Variants in CCDC102B observed in about 807,000 individuals in gnomAD.
CCDC102B encodes the protein coiled-coil domain-containing protein 102B.
A neutral mutation model predicts 57.4 loss-of-function variants in CCDC102B; 75 were observed. The ratio of observed to expected loss-of-function variants is 1.31; its 90% CI spans 1.08 to 1.58. The LOEUF is 1.58. Ranked by LOEUF, CCDC102B falls within the 40% of genes most tolerant of loss-of-function variation. The probability of loss-of-function intolerance (pLI) is 0.00; values close to 1 mark genes in which losing one functional copy is unlikely to be tolerated. For missense variants in CCDC102B, 636 were observed against 582.6 expected (o/e 1.09, Z -0.94); for synonymous variants, 206 against 201.9 (o/e 1.02, Z -0.17).
At chr18:69,019,717 T>G (rs2051773227) in intron 7 of CCDC102B, among the ~76,000 whole-genome samples, 1 of 152,136 alleles carries the variant, frequency 6.6e-6, no homozygotes, top group African/African-American at 2.4e-5. Context: ...CTTTCATTTC[T>G]TTCTTTTGCC....
intron 2 of CCDC102B, among the ~76,000 whole-genome samples, chr18:68,765,301 G>GA (rs1331071724): frequency 5.7e-4 from 47 of 82,102 alleles, no homozygotes; most frequent in African/African-American, 1.2e-3. Context: ...AGAAAGGAAG[G>GA]AAGGAAGGAA....
chr18:68,901,331 C>G (rs2040444730), intron 6 of CCDC102B, among the ~76,000 whole-genome samples: 5 of 152,060 alleles, frequency 3.3e-5, no homozygotes, highest in Non-Finnish European at 1.5e-5. Context: ...GTGGCATATC[C>G]TTTTGAAAAA....
intron 4 of CCDC102B, among the ~76,000 whole-genome samples, chr18:68,853,702 A>AAAAAAAAAAC (rs2038248352): frequency 1.4e-5 from 2 of 145,046 alleles, no homozygotes; most frequent in African/African-American, 5.3e-5. Context: ...AAAAAAAAAA[A>AAAAAAAAAAC]TCTGACTCAA....
intron 1 of CCDC102B, among the ~76,000 whole-genome samples, chr18:68,809,166 C>A (rs906809198): frequency 6.6e-6 from 1 of 152,146 alleles, no homozygotes; most frequent in African/African-American, 2.4e-5. Flanking sequence ...CATTCATAAA[C>A]GTAATTGAGC....
At chr18:69,033,643 C>T (rs879447622) in intron 7 of CCDC102B, among the ~76,000 whole-genome samples, 1 of 151,964 alleles carries the variant, frequency 6.6e-6, no homozygotes, top group Non-Finnish European at 1.5e-5. Context: ...ATGGTTCATT[C>T]ATCAGTTAAT....
chr18:68,862,969 G>C (rs947332204), intron 4 of CCDC102B, among the ~76,000 whole-genome samples: 2 of 151,854 alleles, frequency 1.3e-5, no homozygotes, highest in African/African-American at 4.8e-5. Flanking sequence ...ATTACAGCAT[G>C]TATCTCAAAA....
At chr18:68,732,492 C>T (rs1022677052) in intron 2 of CCDC102B, among the ~76,000 whole-genome samples, 1 of 151,776 alleles carries the variant, frequency 6.6e-6, no homozygotes, top group African/African-American at 2.4e-5. Flanking sequence ...TTACAGGCAC[C>T]CACCATCATG....
chr18:69,009,924 A>ATTTTTTTTT (rs770668683), intron 6 of CCDC102B, among the ~76,000 whole-genome samples: 431 of 33,520 alleles, frequency 0.013, 124 homozygotes, highest in Middle Eastern at 0.05. Context: ...TTTAATAAAG[A>ATTTTTTTTT]TTTTTTTTTT....
chr18:69,014,307 G>A (rs1274323265), intron 7 of CCDC102B, among the ~76,000 whole-genome samples: 2 of 152,116 alleles, frequency 1.3e-5, no homozygotes, highest in African/African-American at 2.4e-5. Context: ...CTCCCTGTGA[G>A]AGAATATTCT....
chr18:68,897,309 A>G lies in CCDC102B; in HGVS notation c.1144A>G (p.Arg382Gly), dbSNP rs879273034. The G allele has an allele frequency of 1.9e-6, 3 of 1,613,224 alleles. No individual in the cohort carries two copies. Among genetic ancestry groups the G allele is most frequent in the Non-Finnish European group, 2.5e-6 (3 of 1,179,326 alleles). The stretch of plus-strand genomic sequence containing the variant: ...GCAGGGACTGGAGAGAGAAAATAGA[A>G]GGCTGAAGATCCAGGTGAAAGAAAT... ...EKQGLERENR[R>G]LKIQVKEMEE... Residue 382 changes from arginine (R) to glycine (G), a missense_variant, in exon 6 of 8, where the codon AGG becomes GGG. Physicochemically the swap from Arg to Gly is moderately radical, Grantham distance 125. Coordinates refer to ENST00000360242, the MANE Select transcript of CCDC102B (RefSeq NM_024781.3).
At chr18:68,839,715 G>T (rs773082268) in intron 3 of CCDC102B, among the ~76,000 whole-genome samples, 2 of 152,046 alleles carry the variant, frequency 1.3e-5, no homozygotes, top group Non-Finnish European at 2.9e-5. Context: ...GCCTCAGTTG[G>T]GACACCTGCA....
At chr18:68,979,151 G>C (rs2145285605) in intron 6 of CCDC102B, among the ~76,000 whole-genome samples, 1 of 152,098 alleles carries the variant, frequency 6.6e-6, no homozygotes, top group East Asian at 1.9e-4. Flanking sequence ...CTTTTTAACA[G>C]TTTATTAAGC....
intron 2 of CCDC102B, among the ~76,000 whole-genome samples, chr18:68,740,723 C>A (rs890999255): frequency 2.0e-5 from 3 of 152,166 alleles, no homozygotes; most frequent in African/African-American, 7.2e-5. Context: ...ACAACTGCCT[C>A]AAGCCTTTTC....
At chr18:68,788,587 C>T (rs2035303175) in intron 2 of CCDC102B, among the ~76,000 whole-genome samples, 2 of 150,202 alleles carry the variant, frequency 1.3e-5, no homozygotes, top group African/African-American at 5.0e-5. Flanking sequence ...TATGTAATGG[C>T]CTTCTTTGTC....
chr18:69,041,318 A>T (rs2052428802), intron 7 of CCDC102B, among the ~76,000 whole-genome samples: 1 of 152,052 alleles, frequency 6.6e-6, no homozygotes, highest in African/African-American at 2.4e-5. Flanking sequence ...GTGGTTGTTT[A>T]TAAATTTTAC....
chr18:68,733,506 A>ATATATATT (rs1286743067), intron 2 of CCDC102B, among the ~76,000 whole-genome samples: 6 of 87,644 alleles, frequency 6.8e-5, no homozygotes, highest in African/African-American at 3.3e-4. Flanking sequence ...ATATATATAT[A>ATATATATT]TTTTTTTAAC....
intron 2 of CCDC102B, among the ~76,000 whole-genome samples, chr18:68,765,544 G>C (rs2144600897): frequency 6.6e-6 from 1 of 152,058 alleles, no homozygotes. Flanking sequence ...AAAATAAGTG[G>C]AAGCCAAAGG....
intron 1 of CCDC102B, among the ~76,000 whole-genome samples, chr18:68,806,329 G>A (rs9949920): frequency 0.016 from 2,373 of 151,930 alleles, 52 homozygotes; most frequent in African/African-American, 0.054. Context: ...TTTTATTTTT[G>A]TATGATTATT....
intron 6 of CCDC102B, among the ~76,000 whole-genome samples, 164 bp from the exon 7 acceptor site, chr18:69,010,770 C>G (rs1289890555): frequency 6.6e-6 from 1 of 152,136 alleles, no homozygotes; most frequent in Non-Finnish European, 1.5e-5. Context: ...TAGTCATATA[C>G]TAATTATAAT....
Sources: allele counts gnomAD v4.1 joint callset (sites outside exome capture counted in the v4.1 genomes callset), GRCh38; gene constraint gnomAD v4.1.1; transcripts MANE v1.5; gene names NCBI Gene and HGNC (gene_info 2026-07-23, HGNC 2026-07-21).